GPR35: variants seen among roughly 807,000 people sequenced by gnomAD.
The protein encoded by GPR35 is G protein-coupled receptor 35.
For missense variants in GPR35, 372 were observed against 422.5 expected, an observed-to-expected ratio of 0.88 and a Z score of 1.05; for synonymous variants, 207 against 198.4, an observed-to-expected ratio of 1.04 and a Z score of -0.36.
At chr2:240,623,462 T>C (rs62186533), upstream of GPR35, among the ~76,000 whole-genome samples, 3,107 of 28,718 alleles carry the variant, frequency 0.11, 454 homozygotes, top group African/African-American at 0.28. Context: ...GTCGTGAGGG[T>C]GCAAACAGGT....
upstream of GPR35, among the ~76,000 whole-genome samples, chr2:240,623,079 G>A (rs181505262): frequency 4.6e-5 from 7 of 152,198 alleles, no homozygotes; most frequent in African/African-American, 9.6e-5. Context: ...GGGCGCCGAC[G>A]ACGACTGAGC....
In GPR35 at chr2:240,632,377, C is replaced by A. The variant is rs1296861730; in HGVS notation, c.*1495C>A. Among the ~76,000 whole-genome samples, 1 of 147,020 alleles carries A rather than the reference C, an allele frequency of 6.8e-6. No homozygotes were observed. The highest frequency in any genetic ancestry group is 2.5e-5 in the African/African-American group (1 of 39,340). On this transcript the variant is annotated 3_prime_UTR_variant, in exon 2 of 2. Transcript: ENST00000407714. ...TCCAGGAGGCTCCATGCCCAGGAGG[C>A]TCCATGTCAAGAAAGATTCATGCCT...
At chr2:240,621,181 G>A (rs1356216085), upstream of GPR35, among the ~76,000 whole-genome samples, 1 of 152,234 alleles carries the variant, frequency 6.6e-6, no homozygotes, top group Non-Finnish European at 1.5e-5. Context: ...TGGCCTCGGG[G>A]GCACAGCGCT....
upstream of GPR35, among the ~76,000 whole-genome samples, chr2:240,624,518 G>A (rs1206328661): frequency 6.6e-6 from 1 of 152,190 alleles, no homozygotes; most frequent in Non-Finnish European, 1.5e-5. Flanking sequence ...CCAGGCACTG[G>A]TCTCAGACCT....
At chr2:240,617,085 A>C (rs1051028413) in intron 3 of GPR35, 38 of 714,032 alleles carry the variant, frequency 5.3e-5, no homozygotes, top group Non-Finnish European at 9.4e-5. Context: ...AAACTCTACC[A>C]ACAGCCACCT....
At chr2:240,629,100 T>A (rs947398657) in intron 1 of GPR35, 1 of 152,392 alleles carries the variant, frequency 6.6e-6, no homozygotes, top group Non-Finnish European at 1.5e-5. Context: ...CGGAGGGTGT[T>A]GGGGACAGCG....
chr2:240,621,671 G>A (rs4676411), upstream of GPR35, among the ~76,000 whole-genome samples: 5 of 151,946 alleles, frequency 3.3e-5, no homozygotes, highest in African/African-American at 9.7e-5. Context: ...GACATGCTTC[G>A]TGGGTCTCAC....
upstream of GPR35, among the ~76,000 whole-genome samples, chr2:240,624,909 G>A (rs913997117): frequency 1.3e-5 from 2 of 152,174 alleles, no homozygotes; most frequent in African/African-American, 4.8e-5. Context: ...CCAAGTCGGG[G>A]GGAAGCAGGG....
At chr2:240,616,415 G>C in exon 3 of GPR35, 1 of 780,164 alleles carries the variant, frequency 1.3e-6, no homozygotes, top group Non-Finnish European at 2.4e-6. Context: ...GCTTCCTGCA[G>C]ACTGGACTTG....
At chr2:240,615,403 A>T (rs1421465750) in intron 2 of GPR35, among the ~76,000 whole-genome samples, 1 of 152,210 alleles carries the variant, frequency 6.6e-6, no homozygotes, top group South Asian at 2.1e-4. Context: ...ACTGCCGTGG[A>T]GTTAAAGGAG....
chr2:240,624,139 C>T (rs1010325978), upstream of GPR35, among the ~76,000 whole-genome samples: 4 of 152,180 alleles, frequency 2.6e-5, no homozygotes, highest in South Asian at 2.1e-4. Flanking sequence ...CCTCCAGTCC[C>T]TGCTTGACGG....
At chr2:240,625,077 G>A (rs2043353300), upstream of GPR35, among the ~76,000 whole-genome samples, 1 of 152,186 alleles carries the variant, frequency 6.6e-6, no homozygotes, top group South Asian at 2.1e-4. Flanking sequence ...CTGTCTTGGG[G>A]CTGGGCATGA....
At chr2:240,619,752 G>A (rs758161995) in intron 5 of GPR35, among the ~76,000 whole-genome samples, 22 of 152,232 alleles carry the variant, frequency 1.4e-4, no homozygotes, top group African/African-American at 1.9e-4. Flanking sequence ...TCCCCCAACC[G>A]GAGGTCTCCC....
rs939503338 is a variant in GPR35 at position 240,632,620 on chromosome 2, T to G, written c.*1738T>G. 6.6e-6 allele frequency among the ~76,000 whole-genome samples: 1 copy of G among 150,456 alleles called. No individual in the cohort carries two copies. Among genetic ancestry groups the G allele is most frequent in the Non-Finnish European group, 1.5e-5 (1 of 67,670 alleles). On this transcript the variant is annotated 3_prime_UTR_variant, in exon 2 of 2. Coordinates refer to ENST00000407714, the MANE Select transcript of GPR35 (RefSeq NM_005301.5). Reference sequence around the variant, plus strand: ...GGAGGGCCCATACACAACAGAGCCCTGTGCCCAGGAAGGACCATGTCAAGG... The same window carrying G: ...GGAGGGCCCATACACAACAGAGCCCGGTGCCCAGGAAGGACCATGTCAAGG...
intron 2 of GPR35, among the ~76,000 whole-genome samples, chr2:240,612,115 C>T (rs575738309): frequency 2.6e-5 from 4 of 151,940 alleles, no homozygotes; most frequent in South Asian, 4.2e-4. Flanking sequence ...TTCACTTTCA[C>T]GGTGGGTGCA....
chr2:240,615,718 T>G (rs2043230934), intron 2 of GPR35, among the ~76,000 whole-genome samples: 3 of 152,228 alleles, frequency 2.0e-5, no homozygotes, highest in Non-Finnish European at 4.4e-5. Context: ...CAGTAAGCAT[T>G]ATCACATCTA....
At chr2:240,622,462 G>A (rs376615905), upstream of GPR35, among the ~76,000 whole-genome samples, 114 of 152,306 alleles carry the variant, frequency 7.5e-4, 1 homozygote, top group African/African-American at 2.5e-3. Flanking sequence ...TCCCCGGGCC[G>A]CATTGGAATA....
At chr2:240,605,992 T>C (rs2043131484) in intron 1 of GPR35, among the ~76,000 whole-genome samples, 1 of 152,162 alleles carries the variant, frequency 6.6e-6, no homozygotes, top group South Asian at 2.1e-4. Flanking sequence ...CTCGGCTCTC[T>C]GTAGCATCCT....
At chr2:240,623,757 A>G (rs552612002), upstream of GPR35, among the ~76,000 whole-genome samples, 218 of 152,142 alleles carry the variant, frequency 1.4e-3, no homozygotes, top group Non-Finnish European at 2.7e-3. Flanking sequence ...CCTGGTGGCA[A>G]GGGGCCCTTC....
Sources: gnomAD v4.1 joint callset for allele counts (sites outside exome capture counted in the v4.1 genomes callset) on GRCh38, gnomAD v4.1.1 for gene constraint, MANE v1.5 for transcripts, NCBI Gene and HGNC (gene_info 2026-07-23, HGNC 2026-07-21) for gene names.